The following MBD5 variants were observed in gnomAD, a reference collection of about 807,000 sequenced individuals.
MBD5 encodes methyl-CpG binding domain protein 5.
In MBD5, 13 loss-of-function variants were observed where a neutral mutation model predicts 117.3. That is an observed-to-expected ratio of 0.11 (90% CI 0.07 to 0.18). The LOEUF (loss-of-function observed/expected upper bound fraction) is 0.18. Among genes scored for constraint, MBD5 ranks in the 10% least tolerant of loss-of-function variants. The pLI is 1.00. For synonymous variants in MBD5, 727 were observed against 766.4 expected (o/e 0.95, Z 0.85); for missense variants, 1,879 against 2,093.8 (o/e 0.90, Z 2.00).
chr2:148,493,579 A>T (rs541576454), intron 11 of MBD5, among the ~76,000 whole-genome samples: 2 of 152,340 alleles, frequency 1.3e-5, no homozygotes, highest in Non-Finnish European at 2.9e-5. Context: ...AAGGAAGTCA[A>T]TGCTGTGTGA....
chr2:148,335,800 C>T (rs531266407), intron 3 of MBD5, among the ~76,000 whole-genome samples: 17 of 152,168 alleles, frequency 1.1e-4, no homozygotes, highest in Middle Eastern at 3.4e-3. Flanking sequence ...ATGAGCCAGA[C>T]AATTTGCTTT....
chr2:148,407,898 T>A (rs763003700), intron 4 of MBD5, among the ~76,000 whole-genome samples: 2 of 152,198 alleles, frequency 1.3e-5, no homozygotes, highest in Non-Finnish European at 2.9e-5. Flanking sequence ...CCATTTTGTA[T>A]ATTTTTCTGA....
At chr2:148,414,524 T>G (rs529621643) in intron 4 of MBD5, among the ~76,000 whole-genome samples, 2 of 152,294 alleles carry the variant, frequency 1.3e-5, no homozygotes, top group East Asian at 3.9e-4. Flanking sequence ...TTTTTTAGTT[T>G]CCTCCTTGGT....
chr2:148,400,432 G>A (rs1308474095), intron 4 of MBD5, among the ~76,000 whole-genome samples: 1 of 151,998 alleles, frequency 6.6e-6, no homozygotes, highest in Non-Finnish European at 1.5e-5. Context: ...CCTGGCCCTG[G>A]GCTGAAACCC....
intron 3 of MBD5, among the ~76,000 whole-genome samples, chr2:148,309,702 G>A (rs978349951): frequency 6.6e-6 from 1 of 152,160 alleles, no homozygotes; most frequent in Non-Finnish European, 1.5e-5. Flanking sequence ...TTCCTGAATA[G>A]GAATGGAGAG....
intron 4 of MBD5, among the ~76,000 whole-genome samples, chr2:148,382,586 A>G (rs1468366020): frequency 6.6e-6 from 1 of 152,196 alleles, no homozygotes; most frequent in Admixed American, 6.5e-5. Flanking sequence ...AATTGAACTC[A>G]GCTCTGCACC....
chr2:148,084,312 C>T (rs1434069062), intron 1 of MBD5, among the ~76,000 whole-genome samples: 1 of 151,986 alleles, frequency 6.6e-6, no homozygotes, highest in Non-Finnish European at 1.5e-5. Context: ...TAATTCTGCC[C>T]AACTAGAATT....
intron 1 of MBD5, among the ~76,000 whole-genome samples, chr2:148,035,418 C>A (rs193246093): frequency 2.6e-4 from 39 of 152,056 alleles, no homozygotes; most frequent in Non-Finnish European, 5.1e-4. Context: ...TATTTTAAAG[C>A]TTTCTTGAAC....
In MBD5 at chr2:148,058,920, A is replaced by G. The variant is rs150218279; in HGVS notation, c.-925+37236A>G. On this transcript the variant is annotated intron_variant, in intron 1 of 13. Transcript: ENST00000642680. ...AGCTTGGTCAGAACTTCTTTTGGCT[A>G]TCTGAATTTGTAAATTGTCATTGGA... Among the ~76,000 whole-genome samples the G allele has an allele frequency of 4.6e-5, 7 of 152,294 alleles. No homozygotes were observed. The East Asian group carries it at 1.3e-3, about 29-fold the overall frequency.
At chr2:148,488,087 C>T (rs1343955774) in intron 10 of MBD5, among the ~76,000 whole-genome samples, 2 of 152,258 alleles carry the variant, frequency 1.3e-5, no homozygotes, top group African/African-American at 4.8e-5. Flanking sequence ...GGATTCAGAA[C>T]ATAAGTGGAG....
intron 3 of MBD5, among the ~76,000 whole-genome samples, chr2:148,282,621 C>T (rs1701275095): frequency 2.0e-5 from 3 of 151,534 alleles, no homozygotes; most frequent in African/African-American, 7.3e-5. Flanking sequence ...TGAATGTTAG[C>T]CATTACTCGT....
intron 2 of MBD5, among the ~76,000 whole-genome samples, chr2:148,183,385 A>G (rs1228853764): frequency 6.6e-6 from 1 of 152,162 alleles, no homozygotes; most frequent in African/African-American, 2.4e-5. Flanking sequence ...AAGTTCATGG[A>G]CACACTAACA....
At chr2:148,107,712 T>C (rs1401261717) in intron 1 of MBD5, among the ~76,000 whole-genome samples, 1 of 152,120 alleles carries the variant, frequency 6.6e-6, no homozygotes, top group Non-Finnish European at 1.5e-5. Flanking sequence ...TTTCTTGAAA[T>C]ATATGAAACA....
At chr2:148,088,048 A>C (rs1007585081) in intron 1 of MBD5, among the ~76,000 whole-genome samples, 1 of 152,166 alleles carries the variant, frequency 6.6e-6, no homozygotes, top group Non-Finnish European at 1.5e-5. Flanking sequence ...GAAATGAAAG[A>C]TAGACTTAGA....
At chr2:148,322,932 T>C (rs1702323416) in intron 3 of MBD5, among the ~76,000 whole-genome samples, 1 of 150,958 alleles carries the variant, frequency 6.6e-6, no homozygotes, top group Non-Finnish European at 1.5e-5. Context: ...GCCATGCTGG[T>C]GCGCTGCACC....
chr2:148,197,166 C>G (rs531254148), intron 2 of MBD5, among the ~76,000 whole-genome samples: 9 of 152,252 alleles, frequency 5.9e-5, no homozygotes, highest in African/African-American at 2.2e-4. Context: ...CAATCCCGTT[C>G]TGCTAGGATC....
Position 148,188,301 on chromosome 2 carries a change from G to T in MBD5, c.-831+9508G>T, listed in dbSNP as rs140710686. Among the ~76,000 whole-genome samples the T allele has an allele frequency of 7.4e-3, 1,126 of 152,238 alleles. 12 individuals carry two copies. Among genetic ancestry groups the T allele is most frequent in the African/African-American group, 0.025 (1,050 of 41,526 alleles). The stretch of plus-strand genomic sequence containing the variant: ...ATTATTTAAAATTGGGCTGTGATAA[G>T]TTAAAGATGCATATTTAAACCCTAG... On this transcript the variant is annotated intron_variant, in intron 2 of 13. Transcript: ENST00000642680.
chr2:148,282,547 G>GTA (rs1255831003), intron 3 of MBD5, among the ~76,000 whole-genome samples: 3 of 151,286 alleles, frequency 2.0e-5, no homozygotes, highest in Non-Finnish European at 4.4e-5. Context: ...AAAAAAATAT[G>GTA]TATATATATA....
chr2:148,293,112 G>A lies in MBD5; in HGVS notation c.-679-49102G>A, dbSNP rs113841345. Among the ~76,000 whole-genome samples, 924 of 142,680 alleles carry A rather than the reference G, an allele frequency of 6.5e-3. 10 individuals are homozygous for A. The highest frequency in any genetic ancestry group is 0.022 in the African/African-American group (852 of 38,490). The allele number at this position is 142,680 out of a possible 152,430, so 93.6% of individuals were successfully genotyped here. A position where few individuals can be genotyped will look rare whatever the true frequency, so the allele number is the denominator to read the frequency against. ...GTGGATCACTTGAGCCCAGGAGTTCGAGACCAGCCTGAGCAACGTAGTGAA... is the reference window on the plus strand; with the variant it reads ...GTGGATCACTTGAGCCCAGGAGTTCAAGACCAGCCTGAGCAACGTAGTGAA... On this transcript the variant is annotated intron_variant, in intron 3 of 13. Transcript: ENST00000642680.
Sources: gnomAD v4.1 joint callset for allele counts (sites outside exome capture counted in the v4.1 genomes callset) on GRCh38, gnomAD v4.1.1 for gene constraint, MANE v1.5 for transcripts, NCBI Gene and HGNC (gene_info 2026-07-23, HGNC 2026-07-21) for gene names.